NXPE2: variants seen among roughly 807,000 people sequenced by gnomAD.
NXPE2 encodes neurexophilin and PC-esterase domain family member 2, also known as NXPE family member 2.
A neutral mutation model predicts 34.4 loss-of-function variants in NXPE2; 34 were observed. That is an observed-to-expected ratio of 0.99 (90% CI 0.75 to 1.31). The LOEUF is 1.31. Ranked by LOEUF, NXPE2 falls within the 40% of genes most tolerant of loss-of-function variation. The pLI, the probability that NXPE2 is intolerant of heterozygous loss-of-function variation, is 0.00. For synonymous variants in NXPE2, 235 were observed against 231.3 expected (o/e 1.02, Z -0.15); for missense variants, 649 against 672.5 (o/e 0.97, Z 0.39).
At chr11:114,811,345 A>AT in the NXPE2 span, among the ~76,000 whole-genome samples, 432 of 43,452 alleles carry the variant, frequency 9.9e-3, 1 homozygote, top group Non-Finnish European at 0.021. Flanking sequence ...TAATAATAAA[A>AT]TAAAAAAAAT....
chr11:114,756,735 T>G, the NXPE2 span, among the ~76,000 whole-genome samples: 11 of 152,188 alleles, frequency 7.2e-5, no homozygotes, highest in African/African-American at 2.7e-4. Flanking sequence ...ATAGGTAGAT[T>G]ACTTGTTTTG....
chr11:114,796,306 T>C, the NXPE2 span, among the ~76,000 whole-genome samples: 39 of 152,242 alleles, frequency 2.6e-4, 1 homozygote, highest in Admixed American at 7.2e-4. Flanking sequence ...TTATTGTTGC[T>C]CTTTATTCAG....
the NXPE2 span, among the ~76,000 whole-genome samples, chr11:114,805,862 C>A: frequency 2.0e-5 from 3 of 152,304 alleles, no homozygotes; most frequent in African/African-American, 7.2e-5. Flanking sequence ...TCTCCCAGCA[C>A]GCAGCTTGAG....
chr11:114,665,979 TA>T, the NXPE2 span, among the ~76,000 whole-genome samples: 1 of 152,148 alleles, frequency 6.6e-6, no homozygotes, highest in South Asian at 2.1e-4. Context: ...GGGGCAGGGT[TA>T]GGAGTTGAAT....
the NXPE2 span, among the ~76,000 whole-genome samples, chr11:114,493,641 C>T: frequency 2.4e-4 from 36 of 152,084 alleles, no homozygotes; most frequent in African/African-American, 6.3e-4. Flanking sequence ...TGCTTTTTAA[C>T]TTTTTGTTTT....
chr11:114,725,993 A>ATATATATATAT, the NXPE2 span, among the ~76,000 whole-genome samples: 3 of 127,380 alleles, frequency 2.4e-5, no homozygotes, highest in Admixed American at 8.3e-5. Flanking sequence ...ATATATATAT[A>ATATATATATAT]AAAAGAAAAA....
the NXPE2 span, among the ~76,000 whole-genome samples, chr11:114,760,721 C>T: frequency 6.6e-6 from 1 of 152,154 alleles, no homozygotes; most frequent in Non-Finnish European, 1.5e-5. Context: ...CACTCCTTCT[C>T]CAAATGTAAA....
chr11:114,809,916 C>A, the NXPE2 span, among the ~76,000 whole-genome samples: 1 of 142,770 alleles, frequency 7.0e-6, no homozygotes, highest in Non-Finnish European at 1.5e-5. Flanking sequence ...AAGCTGGAGG[C>A]ATCACACTAC....
the NXPE2 span, among the ~76,000 whole-genome samples, chr11:114,651,466 G>C: frequency 6.6e-6 from 1 of 152,200 alleles, no homozygotes; most frequent in Non-Finnish European, 1.5e-5. Context: ...GACCCAAAGA[G>C]TAAGCAGCAG....
chr11:114,501,192 A>G, the NXPE2 span, among the ~76,000 whole-genome samples: 3 of 152,214 alleles, frequency 2.0e-5, no homozygotes, highest in Admixed American at 1.3e-4. Context: ...TTTTTAAAAC[A>G]ATGCAGATTT....
At chr11:114,790,562 C>T in the NXPE2 span, among the ~76,000 whole-genome samples, 1 of 152,164 alleles carries the variant, frequency 6.6e-6, no homozygotes, top group East Asian at 1.9e-4. Flanking sequence ...TCCCCAATTT[C>T]CCAGAATGTC....
At chr11:114,613,580 T>G in the NXPE2 span, among the ~76,000 whole-genome samples, 1 of 151,948 alleles carries the variant, frequency 6.6e-6, no homozygotes, top group African/African-American at 2.4e-5. Context: ...GTAACCACTG[T>G]TACCTGGTGG....
At chr11:114,572,927 C>G in the NXPE2 span, among the ~76,000 whole-genome samples, 1 of 152,016 alleles carries the variant, frequency 6.6e-6, no homozygotes, top group Non-Finnish European at 1.5e-5. Context: ...TATCTAAAGT[C>G]AAGATGAAGG....
chr11:114,641,950 G>T, the NXPE2 span, among the ~76,000 whole-genome samples: 2 of 151,860 alleles, frequency 1.3e-5, no homozygotes, highest in Admixed American at 1.3e-4. Context: ...TTGACACAGA[G>T]GACATATTTT....
chr11:114,770,709 C>T, the NXPE2 span, among the ~76,000 whole-genome samples: 3 of 152,152 alleles, frequency 2.0e-5, no homozygotes, highest in Admixed American at 6.5e-5. Context: ...AGTGCTCCAA[C>T]CAGTCTATTT....
At chr11:114,628,794 AAGAG>A in the NXPE2 span, among the ~76,000 whole-genome samples, 20 of 152,124 alleles carry the variant, frequency 1.3e-4, no homozygotes, top group East Asian at 2.7e-3. Context: ...TAATGAAAAA[AAGAG>A]AGAAGAATCA....
At chr11:114,653,220 G>A in the NXPE2 span, among the ~76,000 whole-genome samples, 1 of 152,188 alleles carries the variant, frequency 6.6e-6, no homozygotes, top group African/African-American at 2.4e-5. Context: ...AGATTTAACA[G>A]TGTAGGACTG....
chr11:114,601,841 T>C, the NXPE2 span, among the ~76,000 whole-genome samples: 1 of 61,588 alleles, frequency 1.6e-5, no homozygotes, highest in African/African-American at 7.8e-5. Context: ...ATTATATATA[T>C]AATATAAAAT....
At chr11:114,529,196 T>A in the NXPE2 span, 46 of 177,006 alleles carry the variant, frequency 2.6e-4, no homozygotes, top group Non-Finnish European at 2.6e-4. Flanking sequence ...AAATAAATCT[T>A]CGTGGGGGAA....
Sources: allele counts gnomAD v4.1 joint callset (sites outside exome capture counted in the v4.1 genomes callset), GRCh38; gene constraint gnomAD v4.1.1; transcripts MANE v1.5; gene names NCBI Gene and HGNC (gene_info 2026-07-23, HGNC 2026-07-21).